Variants in GLG1 observed in about 807,000 individuals in gnomAD.
GLG1 encodes the protein Golgi apparatus protein 1.
A neutral mutation model predicts 160.5 loss-of-function variants in GLG1; 38 were observed. The ratio of observed to expected loss-of-function variants is 0.24; its 90% CI spans 0.18 to 0.31. GLG1 has a LOEUF of 0.31. GLG1 is among the 10% of genes least tolerant of loss of function. GLG1 has a pLI of 1.00. For missense variants in GLG1, 1,373 were observed against 1,505.2 expected (o/e 0.91, Z 1.45); for synonymous variants, 644 against 543.4 (o/e 1.19, Z -2.57).
At chr16:74,548,012 C>A (rs2143684817) in intron 1 of GLG1, among the ~76,000 whole-genome samples, 1 of 152,362 alleles carries the variant, frequency 6.6e-6, no homozygotes, top group Non-Finnish European at 1.5e-5. Context: ...CTCACTGCAA[C>A]TTCCACCTCT....
intron 1 of GLG1, among the ~76,000 whole-genome samples, chr16:74,567,197 C>CGGGGAGAGAGAGACAGAGAG (rs2018677979): frequency 7.1e-6 from 1 of 141,210 alleles, no homozygotes; most frequent in Admixed American, 7.3e-5. Context: ...GTGTAGGGAG[C>CGGGGAGAGAGAGACAGAGAG]GGGGAGAGAG....
chr16:74,513,308 C>A (rs1024578294), intron 2 of GLG1, among the ~76,000 whole-genome samples: 3 of 151,946 alleles, frequency 2.0e-5, no homozygotes, highest in Admixed American at 1.3e-4. Context: ...AGGGTGTGGG[C>A]TAGGGGATGA....
chr16:74,593,375 G>T (rs1437132157), intron 1 of GLG1, among the ~76,000 whole-genome samples: 3 of 150,334 alleles, frequency 2.0e-5, no homozygotes, highest in Non-Finnish European at 4.4e-5. Flanking sequence ...TCTGTTAAAT[G>T]ACTTGCAGGG....
intron 1 of GLG1, among the ~76,000 whole-genome samples, chr16:74,578,463 T>C (rs1399603734): frequency 6.6e-6 from 1 of 152,174 alleles, no homozygotes; most frequent in Non-Finnish European, 1.5e-5. Flanking sequence ...CAACGGATAA[T>C]GTCTAATTTT....
At chr16:74,493,280 TG>T in intron 6 of GLG1, 140 bp from the exon 7 acceptor site, 1 of 573,758 alleles carries the variant, frequency 1.7e-6, no homozygotes, top group Non-Finnish European at 3.1e-6. Flanking sequence ...TCTTTAAGTT[TG>T]GTTAAAATGT....
At chr16:74,493,917 G>T (rs752812485) in intron 6 of GLG1, among the ~76,000 whole-genome samples, 14 of 152,072 alleles carry the variant, frequency 9.2e-5, no homozygotes, top group Non-Finnish European at 8.8e-5. Context: ...ATCACACTGA[G>T]GATTTTATAT....
Position 74,540,094 on chromosome 16 carries a change from TATATATA to T in GLG1, c.439-7948_439-7942del, listed in dbSNP as rs1226794113. 1.7e-3 allele frequency among the ~76,000 whole-genome samples: 2 copies of T among 1,158 alleles called. 1 individual carries two copies. Among genetic ancestry groups the T allele is most frequent in the African/African-American group, 6.8e-3 (2 of 292 alleles). The allele number at this position is 1,158 out of a possible 152,430, so 0.8% of individuals were successfully genotyped here. On this transcript the variant is annotated intron_variant, in intron 1 of 25. Coordinates refer to ENST00000422840, the MANE Select transcript of GLG1 (RefSeq NM_001145667.2). ...TATTATATATATTTTATATATATAT[TATATATA>T]TTTTATATATATATATTATATATAT...
intron 1 of GLG1, among the ~76,000 whole-genome samples, chr16:74,567,810 C>T (rs1364912010): frequency 1.3e-5 from 2 of 151,700 alleles, no homozygotes; most frequent in African/African-American, 4.8e-5. Context: ...CCTCATGATC[C>T]ACCCGCCTCG....
In GLG1 at chr16:74,515,080, C is replaced by T. The variant is rs908702183; in HGVS notation, c.472-6155G>A. ...TTACATAATGGTAAAGGGATCAATT[C>T]AACAAGAAGAGCTAACTATCCTAAA... On this transcript the variant is annotated intron_variant, in intron 2 of 25. Transcript: ENST00000422840. Among the ~76,000 whole-genome samples the T allele has an allele frequency of 6.6e-5, 10 of 152,224 alleles. No homozygotes were observed. In the South Asian group the frequency reaches 2.1e-3, roughly 32 times the overall value.
intron 3 of GLG1, among the ~76,000 whole-genome samples, 195 bp downstream of exon 3, chr16:74,508,644 T>A (rs1038410357): frequency 6.6e-6 from 1 of 152,158 alleles, no homozygotes; most frequent in African/African-American, 2.4e-5. Flanking sequence ...CCTCAATCAA[T>A]AGTATCCTAA....
intron 1 of GLG1, among the ~76,000 whole-genome samples, chr16:74,577,136 G>A (rs2019026850): frequency 6.6e-6 from 1 of 152,086 alleles, no homozygotes; most frequent in Non-Finnish European, 1.5e-5. Flanking sequence ...ATGTTGCCTA[G>A]GCTGGTCTCA....
At chr16:74,533,550 G>A (rs1168352684) in intron 1 of GLG1, among the ~76,000 whole-genome samples, 1 of 152,078 alleles carries the variant, frequency 6.6e-6, no homozygotes, top group Non-Finnish European at 1.5e-5. Flanking sequence ...GGAGGCCGAG[G>A]CAGGCAGATC....
chr16:74,530,565 T>C (rs1448843359), intron 2 of GLG1, among the ~76,000 whole-genome samples: 7 of 152,180 alleles, frequency 4.6e-5, no homozygotes, highest in African/African-American at 1.4e-4. Flanking sequence ...CTAAGTGTTG[T>C]AGTTTTTTGA....
intron 1 of GLG1, among the ~76,000 whole-genome samples, chr16:74,602,545 A>C (rs1164940721): frequency 6.6e-6 from 1 of 152,214 alleles, no homozygotes; most frequent in Non-Finnish European, 1.5e-5. Flanking sequence ...GCACTTTGGG[A>C]GGCCGAGGCG....
intron 1 of GLG1, among the ~76,000 whole-genome samples, chr16:74,555,891 G>T (rs1179781971): frequency 6.7e-6 from 1 of 150,166 alleles, no homozygotes; most frequent in Non-Finnish European, 1.5e-5. Context: ...CCAGGGTGAA[G>T]TGTAGTGGCA....
At chr16:74,586,812 C>T (rs1958064029) in intron 1 of GLG1, among the ~76,000 whole-genome samples, 1 of 152,002 alleles carries the variant, frequency 6.6e-6, no homozygotes, top group African/African-American at 2.4e-5. Flanking sequence ...AATTCTGCCT[C>T]AGCCTACCAA....
intron 25 of GLG1, among the ~76,000 whole-genome samples, chr16:74,455,535 A>C (rs927924635): frequency 6.6e-6 from 1 of 152,198 alleles, no homozygotes; most frequent in African/African-American, 2.4e-5. Context: ...CAGAAGGGTG[A>C]GGAGAGTGTT....
At position 74,571,613 on chromosome 16, in the gene GLG1, C is replaced by T. The variant is rs1342029055; in HGVS notation, c.438+35044G>A. Among the ~76,000 whole-genome samples the T allele has an allele frequency of 3.8e-4, 58 of 151,394 alleles. 1 individual carries two copies. Among genetic ancestry groups the T allele is most frequent in the Non-Finnish European group, 5.9e-5 (4 of 67,912 alleles). The stretch of plus-strand genomic sequence containing the variant: ...AGGCTGCAGAGAGCTGAGATACAGC[C>T]ACCGCACTCCAGCCTGGGCAACAGA... On this transcript the variant is annotated intron_variant, in intron 1 of 25. Coordinates refer to ENST00000422840, the MANE Select transcript of GLG1 (RefSeq NM_001145667.2).
chr16:74,604,519 AC>A (rs1202302126), intron 1 of GLG1, among the ~76,000 whole-genome samples: 1 of 152,382 alleles, frequency 6.6e-6, no homozygotes, highest in East Asian at 1.9e-4. Context: ...AATAATGGGT[AC>A]GGATAGGAAA....
Sources: allele counts gnomAD v4.1 joint callset (sites outside exome capture counted in the v4.1 genomes callset), GRCh38; gene constraint gnomAD v4.1.1; transcripts MANE v1.5; gene names NCBI Gene and HGNC (gene_info 2026-07-23, HGNC 2026-07-21).